Variants in FHIP1A observed in about 807,000 individuals in gnomAD.
FHIP1A encodes the protein FHF complex subunit HOOK interacting protein 1A.
A neutral mutation model predicts 88.6 loss-of-function variants in FHIP1A; 61 were observed. The observed-to-expected ratio is 0.69, with a 90% CI of 0.56 to 0.85. FHIP1A has a LOEUF of 0.85. Ranked by LOEUF, FHIP1A falls within the 40% of genes least tolerant of loss-of-function variation. The probability of loss-of-function intolerance (pLI) is 0.00; values close to 1 mark genes in which losing one functional copy is unlikely to be tolerated. For synonymous variants in FHIP1A, 478 were observed against 496.0 expected (o/e 0.96, Z 0.48); for missense variants, 1,154 against 1,273.5 (o/e 0.91, Z 1.43).
In FHIP1A at chr4:151,668,766, T is replaced by C. The variant is rs996455466; in HGVS notation, c.*6012T>C. Among the ~76,000 whole-genome samples the C allele has an allele frequency of 3.9e-5, 6 of 152,252 alleles. No individual in the cohort carries two copies. The highest frequency in any genetic ancestry group is 1.4e-4 in the African/African-American group (6 of 41,474). On this transcript the variant is annotated 3_prime_UTR_variant, in exon 14 of 14. Coordinates refer to ENST00000435205, the MANE Select transcript of FHIP1A (RefSeq NM_001109977.3). ...TAGGTAGCATGCAGAGTGCTAGGGC[T>C]GGCACATTCCTGCCTTCCCACCAGA...
At chr4:151,550,334 C>T (rs961815008) in intron 3 of FHIP1A, among the ~76,000 whole-genome samples, 9 of 152,106 alleles carry the variant, frequency 5.9e-5, no homozygotes, top group Non-Finnish European at 1.2e-4. Flanking sequence ...CTTATTCATT[C>T]TTTCTATTTT....
At chr4:151,434,114 T>G (rs1472933638) in intron 1 of FHIP1A, among the ~76,000 whole-genome samples, 1 of 152,222 alleles carries the variant, frequency 6.6e-6, no homozygotes, top group Non-Finnish European at 1.5e-5. Flanking sequence ...AAAATCAAAT[T>G]CCCTGTTGAA....
chr4:151,486,967 T>A (rs562024367), intron 3 of FHIP1A, among the ~76,000 whole-genome samples: 2,807 of 144,070 alleles, frequency 0.019, 37 homozygotes, highest in South Asian at 0.046. Flanking sequence ...AAACTCCATT[T>A]AAAAAAAAAA....
intron 2 of FHIP1A, among the ~76,000 whole-genome samples, chr4:151,470,410 T>A (rs1422304381): frequency 1.3e-5 from 2 of 152,188 alleles, no homozygotes; most frequent in Non-Finnish European, 2.9e-5. Flanking sequence ...ATAAATATTC[T>A]TGTTCAGACA....
intron 3 of FHIP1A, among the ~76,000 whole-genome samples, chr4:151,511,214 A>G (rs1218557000): frequency 2.6e-5 from 4 of 152,374 alleles, no homozygotes; most frequent in East Asian, 3.9e-4. Flanking sequence ...TCACGGGACT[A>G]TCAGTCCTTT....
chr4:151,506,685 C>G (rs1730848572), intron 3 of FHIP1A, among the ~76,000 whole-genome samples: 1 of 152,066 alleles, frequency 6.6e-6, no homozygotes, highest in African/African-American at 2.4e-5. Flanking sequence ...AAAATGGCAC[C>G]AAGCCCTTCA....
chr4:151,620,757 C>CT (rs60624354), intron 7 of FHIP1A, among the ~76,000 whole-genome samples: 361 of 144,256 alleles, frequency 2.5e-3, no homozygotes, highest in Admixed American at 3.7e-3. Context: ...AATTAGATAT[C>CT]TTTTTTTTTT....
intron 1 of FHIP1A, among the ~76,000 whole-genome samples, chr4:151,420,174 C>A (rs1171137509): frequency 1.4e-4 from 4 of 28,306 alleles, no homozygotes; most frequent in Admixed American, 6.9e-4. Flanking sequence ...ACACTGACTT[C>A]CACAATGGTT....
chr4:151,535,257 C>T (rs1732025872), intron 3 of FHIP1A, among the ~76,000 whole-genome samples: 1 of 152,150 alleles, frequency 6.6e-6, no homozygotes, highest in African/African-American at 2.4e-5. Context: ...GTGTTTATGA[C>T]ACTGAAAACC....
chr4:151,475,564 G>A (rs932607568), intron 2 of FHIP1A, among the ~76,000 whole-genome samples: 6 of 152,104 alleles, frequency 3.9e-5, no homozygotes, highest in Non-Finnish European at 8.8e-5. Context: ...ACATTCCTGA[G>A]GTGAGAACAA....
chr4:151,439,155 A>C (rs1016944055), intron 1 of FHIP1A, among the ~76,000 whole-genome samples: 4 of 152,146 alleles, frequency 2.6e-5, no homozygotes, highest in Non-Finnish European at 5.9e-5. Context: ...TCAGATGAAA[A>C]ATCTAGAACC....
chr4:151,445,267 A>G (rs904577166), intron 1 of FHIP1A, among the ~76,000 whole-genome samples: 1 of 152,190 alleles, frequency 6.6e-6, no homozygotes, highest in Non-Finnish European at 1.5e-5. Flanking sequence ...GTCCCAGCAT[A>G]GGAACCTCAG....
In FHIP1A at chr4:151,649,719, A is replaced by G. The variant is rs1736938575; in HGVS notation, c.1678A>G (p.Arg560Gly). ...PVFGLPQQLP[R>G]KTGPQLAPRK... ...GTTCGGGCTCCCGCAACAACTCCCC[A>G]GGAAGACAGGACCTCAGCTGGCTCC... is the stretch of plus-strand genomic sequence containing the variant. Residue 560 changes from arginine (R) to glycine (G), a missense_variant, in exon 11 of 14, where the codon AGG (arginine) becomes GGG (glycine). Arg to Gly is a moderately radical substitution (Grantham distance 125, BLOSUM62 -2). Transcript: ENST00000435205. 3.2e-6 allele frequency: 5 copies of G among 1,551,664 alleles called. No individual in the cohort carries two copies. The highest frequency in any genetic ancestry group is 4.4e-6 in the Non-Finnish European group (5 of 1,146,990).
At chr4:151,410,826 A>C (rs1732605549) in intron 1 of FHIP1A, among the ~76,000 whole-genome samples, 1 of 152,240 alleles carries the variant, frequency 6.6e-6, no homozygotes, top group South Asian at 2.1e-4. Flanking sequence ...ATATCTTTTT[A>C]GTTCCAGTTA....
intron 1 of FHIP1A, among the ~76,000 whole-genome samples, chr4:151,413,507 T>C (rs992823292): frequency 6.6e-6 from 1 of 152,172 alleles, no homozygotes; most frequent in Non-Finnish European, 1.5e-5. Context: ...CAGGCTGGAG[T>C]GCGGTGGCAC....
chr4:151,623,550 A>G (rs1179728806), intron 7 of FHIP1A, among the ~76,000 whole-genome samples: 1 of 126,974 alleles, frequency 7.9e-6, no homozygotes, highest in African/African-American at 3.0e-5. Context: ...TTTCGCCTCA[A>G]TTTGGCTTAT....
chr4:151,487,189 T>C (rs1439558987), intron 3 of FHIP1A, among the ~76,000 whole-genome samples: 1 of 152,164 alleles, frequency 6.6e-6, no homozygotes, highest in African/African-American at 2.4e-5. Context: ...ATTTCTTATC[T>C]TTAAGCCTGT....
In FHIP1A at chr4:151,650,574, C is replaced by G. The variant is rs1042548157; in HGVS notation, c.2533C>G (p.Gln845Glu). 6 of 1,550,068 alleles carry G rather than the reference C, an allele frequency of 3.9e-6. No homozygotes were observed. The highest frequency in any genetic ancestry group is 5.2e-6 in the Non-Finnish European group (6 of 1,146,298). ...TGCCAGTCGCCATCCCGTGAGGACT[C>G]AAAGCACCCCATTCACAGGTGACCA... ...AFASRHPVRT[Q>E]STPFTGPFIS... The change falls in exon 11 of 14, where the codon CAA becomes GAA. Residue 845 changes from glutamine (Q) to glutamate (E), a missense_variant. Physicochemically the swap from Gln to Glu is conservative, Grantham distance 29. Coordinates refer to ENST00000435205, the MANE Select transcript of FHIP1A (RefSeq NM_001109977.3).
intron 13 of FHIP1A, among the ~76,000 whole-genome samples, chr4:151,661,939 T>A (rs566690064): frequency 3.9e-5 from 6 of 152,362 alleles, no homozygotes; most frequent in East Asian, 1.9e-4. Context: ...TCTCCTTTTA[T>A]GTAAAACGTT....
Sources: allele counts gnomAD v4.1 joint callset (sites outside exome capture counted in the v4.1 genomes callset), GRCh38; gene constraint gnomAD v4.1.1; transcripts MANE v1.5; gene names NCBI Gene and HGNC (gene_info 2026-07-23, HGNC 2026-07-21).